The following SEMA6A variants were observed in gnomAD, a reference collection of about 807,000 sequenced individuals.
The protein encoded by SEMA6A is semaphorin-6A.
Under a neutral mutation model 96.8 loss-of-function variants are expected in SEMA6A, and 25 were observed. That is an observed-to-expected ratio of 0.26 (90% CI 0.19 to 0.36). The LOEUF (loss-of-function observed/expected upper bound fraction) is 0.36. SEMA6A is among the 10% of genes least tolerant of loss of function. The probability of loss-of-function intolerance (pLI) is 1.00; values close to 1 mark genes in which losing one functional copy is unlikely to be tolerated. For synonymous variants in SEMA6A, 612 were observed against 518.0 expected, an observed-to-expected ratio of 1.18 and a Z score of -2.46; for missense variants, 1,363 against 1,323.1, an observed-to-expected ratio of 1.03 and a Z score of -0.47.
chr5:116,512,185 C>T (rs1758436518), intron 1 of SEMA6A, among the ~76,000 whole-genome samples: 1 of 152,228 alleles, frequency 6.6e-6, no homozygotes, highest in African/African-American at 2.4e-5. Context: ...TCAAAGAACA[C>T]ATCCCATCGT....
At chr5:116,448,377 C>CT (rs1333450314) in intron 18 of SEMA6A, among the ~76,000 whole-genome samples, 2 of 152,032 alleles carry the variant, frequency 1.3e-5, no homozygotes, top group Non-Finnish European at 2.9e-5. Context: ...GCTGTTCACT[C>CT]TTTCCAGTAC....
In SEMA6A at chr5:116,447,304, G is replaced by A. The variant is rs372406609; in HGVS notation, c.2402C>T (p.Thr801Met). Reference sequence around the variant, plus strand: ...GGGGGAGGCCCGCAGGGGCAGGTCCGTGGGAATCACAGGGGAGCCCATGGG... The same window carrying A: ...GGGGGAGGCCCGCAGGGGCAGGTCCATGGGAATCACAGGGGAGCCCATGGG... ...MPPMGSPVIP[T>M]DLPLRASPSH... is the part of the protein sequence containing the mutation. Residue 801 changes from threonine to methionine, a missense_variant, in exon 19 of 19, where the codon ACG becomes ATG. Around this residue, in one of 2 missense-constraint regions of SEMA6A, gnomAD observed 883 missense variants for 763.6 expected, o/e 1.16. Coordinates refer to ENST00000343348, the MANE Select transcript of SEMA6A (RefSeq NM_020796.5). 10 of 1,613,606 alleles carry A rather than the reference G, an allele frequency of 6.2e-6. No individual in the cohort carries two copies. Among genetic ancestry groups the A allele is most frequent in the Middle Eastern group, 1.6e-4 (1 of 6,084 alleles).
intron 17 of SEMA6A, chr5:116,468,085 GAAAGCATCTT>G (rs1755884794): frequency 3.9e-6 from 1 of 258,640 alleles, no homozygotes; most frequent in Non-Finnish European, 7.4e-6. Flanking sequence ...ACATAATGGT[GAAAGCATCTT>G]GCACAGTGTC....
chr5:116,459,386 T>C (rs985855239), intron 18 of SEMA6A, among the ~76,000 whole-genome samples: 6 of 152,146 alleles, frequency 3.9e-5, no homozygotes, highest in Non-Finnish European at 8.8e-5. Context: ...CTTTCCCCAC[T>C]TCTACCCTCC....
At chr5:116,462,464 C>T (rs1216174691) in intron 18 of SEMA6A, among the ~76,000 whole-genome samples, 4 of 152,192 alleles carry the variant, frequency 2.6e-5, no homozygotes, top group Admixed American at 6.5e-5. Flanking sequence ...TAGCGGCAGA[C>T]CACACTAGGG....
At chr5:116,477,663 T>C (rs1335512748) in intron 15 of SEMA6A, among the ~76,000 whole-genome samples, 183 bp downstream of exon 15, 1 of 152,232 alleles carries the variant, frequency 6.6e-6, no homozygotes, top group African/African-American at 2.4e-5. Flanking sequence ...ATTGGAAATC[T>C]GCCACATGTG....
chr5:116,486,916 A>G lies in SEMA6A; in HGVS notation c.795T>C (p.Ser265=). The change falls in exon 10 of 19, where the codon TCT becomes TCC. Residue 265 remains serine (S), a synonymous_variant. Transcript: ENST00000343348. ...AQVCKNDMGG[S]QRVLEKQWTS... is the part of the protein sequence containing the mutation. ...TCCACTGTTTCTCCAGGACTCTTTG[A>G]GATCCTCCCATATCATTCTTACAAA... The G allele has an allele frequency of 1.9e-6, 3 of 1,613,812 alleles. No homozygotes were observed. Among genetic ancestry groups the G allele is most frequent in the Non-Finnish European group, 2.5e-6 (3 of 1,179,766 alleles).
chr5:116,558,454 T>TG (rs1760690936), intron 1 of SEMA6A, among the ~76,000 whole-genome samples: 1 of 9,318 alleles, frequency 1.1e-4, no homozygotes, highest in Non-Finnish European at 3.9e-4. Flanking sequence ...GATTCTTTTT[T>TG]TTTTTTTTTT....
chr5:116,558,134 T>C (rs1760678982), intron 1 of SEMA6A, among the ~76,000 whole-genome samples: 1 of 152,306 alleles, frequency 6.6e-6, no homozygotes. Context: ...CCCCTGAAAA[T>C]AGTTGATTTT....
intron 5 of SEMA6A, 42 bp downstream of exon 5, chr5:116,496,204 AAACTT>A (rs755610231): frequency 6.5e-7 from 1 of 1,535,862 alleles, no homozygotes; most frequent in East Asian, 2.3e-5. Flanking sequence ...TAACAGTCAA[AAACTT>A]AACCCAAAGT....
At position 116,463,929 on chromosome 5, in the gene SEMA6A, G is replaced by A. The variant is rs143405965; in HGVS notation, c.1894+3654C>T. 8.7e-3 allele frequency among the ~76,000 whole-genome samples: 1,326 copies of A among 152,254 alleles called. 7 individuals are homozygous for A. Among genetic ancestry groups the A allele is most frequent in the Non-Finnish European group, 0.014 (955 of 68,016 alleles). On this transcript the variant is annotated intron_variant, in intron 18 of 18. Transcript: ENST00000343348. The stretch of plus-strand genomic sequence containing the variant: ...AGCTCTCTTGGCTGCTCTGGATGTG[G>A]CTGATTTCCTTACATACCTCATAGA...
chr5:116,458,269 G>T (rs953624513), intron 18 of SEMA6A, among the ~76,000 whole-genome samples: 2 of 152,122 alleles, frequency 1.3e-5, no homozygotes, highest in African/African-American at 2.4e-5. Flanking sequence ...CAATTAAAGA[G>T]CAAATTTTTA....
chr5:116,568,799 C>A (rs1473134269), intron 1 of SEMA6A, among the ~76,000 whole-genome samples: 1 of 149,040 alleles, frequency 6.7e-6, no homozygotes, highest in African/African-American at 2.5e-5. Context: ...TGAGCCATAC[C>A]ACCTATGTGC....
At chr5:116,469,032 A>G (rs952857255) in intron 17 of SEMA6A, 1 of 152,106 alleles carries the variant, frequency 6.6e-6, no homozygotes, top group South Asian at 2.1e-4. Flanking sequence ...GACAAAACAT[A>G]TATAACAAAG....
At chr5:116,543,646 C>T (rs777637341) in intron 1 of SEMA6A, among the ~76,000 whole-genome samples, 6 of 152,140 alleles carry the variant, frequency 3.9e-5, no homozygotes, top group East Asian at 1.9e-4. Context: ...GTTTACAATC[C>T]GACTAGTTGC....
chr5:116,470,897 G>A (rs904372651), intron 17 of SEMA6A, among the ~76,000 whole-genome samples: 1 of 152,174 alleles, frequency 6.6e-6, no homozygotes, highest in African/African-American at 2.4e-5. Context: ...TTAGCAATTT[G>A]TTTCTTCTTT....
At chr5:116,481,904 G>C (rs1459419586) in intron 11 of SEMA6A, among the ~76,000 whole-genome samples, 4 of 152,134 alleles carry the variant, frequency 2.6e-5, no homozygotes, top group Non-Finnish European at 5.9e-5. Context: ...ACCCAAAACA[G>C]ACCAAAACCT....
At chr5:116,499,038 G>GC (rs1757747522) in intron 3 of SEMA6A, 1 of 152,178 alleles carries the variant, frequency 6.6e-6, no homozygotes, top group African/African-American at 2.4e-5. Context: ...AGGGGTTCTT[G>GC]CCACCAACCC....
At chr5:116,536,866 T>TAAAAAAAAAAAAAAAAAAA (rs72214884) in intron 1 of SEMA6A, among the ~76,000 whole-genome samples, 12 of 69,518 alleles carry the variant, frequency 1.7e-4, no homozygotes, top group Non-Finnish European at 2.0e-4. Flanking sequence ...TGTGATTTCT[T>TAAAAAAAAAAAAAAAAAAA]AAAAAAAAAA....
Sources: gnomAD v4.1 joint callset for allele counts (sites outside exome capture counted in the v4.1 genomes callset) on GRCh38, gnomAD v4.1.1 for gene constraint, gnomAD v4.1.1 regional missense constraint, MANE v1.5 for transcripts, NCBI Gene and HGNC (gene_info 2026-07-23, HGNC 2026-07-21) for gene names.